Variants in TCF12 observed in about 807,000 individuals in gnomAD.
TCF12 encodes the protein transcription factor 12.
In TCF12, 45 loss-of-function variants were observed where a neutral mutation model predicts 86.0. The ratio of observed to expected loss-of-function variants is 0.52; its 90% CI spans 0.41 to 0.67. The LOEUF (loss-of-function observed/expected upper bound fraction) is 0.67. Among genes scored for constraint, TCF12 ranks in the 30% least tolerant of loss-of-function variants. TCF12 has a pLI of 0.00. For missense variants in TCF12, 881 were observed against 859.9 expected, an observed-to-expected ratio of 1.02 and a Z score of -0.31; for synonymous variants, 330 against 299.6, an observed-to-expected ratio of 1.10 and a Z score of -1.05.
chr15:56,925,400 C>A (rs1251323291), intron 3 of TCF12, among the ~76,000 whole-genome samples: 1 of 152,142 alleles, frequency 6.6e-6, no homozygotes, highest in Non-Finnish European at 1.5e-5. Context: ...AACACAAATT[C>A]AAGTTTCTGT....
intron 12 of TCF12, among the ~76,000 whole-genome samples, chr15:57,237,981 AG>A (rs1251400628): frequency 1.3e-5 from 2 of 152,164 alleles, no homozygotes; most frequent in African/African-American, 4.8e-5. Context: ...TTTTTTAAAA[AG>A]TCCTGTAACT....
chr15:57,183,691 A>G (rs1429637273), intron 6 of TCF12, among the ~76,000 whole-genome samples: 4 of 152,168 alleles, frequency 2.6e-5, no homozygotes, highest in Admixed American at 2.6e-4. Flanking sequence ...GAAAAAAATG[A>G]AACTGAGTTT....
intron 8 of TCF12, among the ~76,000 whole-genome samples, chr15:57,213,780 T>A (rs1439079047): frequency 1.3e-5 from 2 of 152,202 alleles, no homozygotes; most frequent in Non-Finnish European, 2.9e-5. Context: ...ACAAAAATTA[T>A]TTAGCTTTAC....
At chr15:57,168,319 A>G (rs2055053962) in intron 6 of TCF12, among the ~76,000 whole-genome samples, 1 of 152,246 alleles carries the variant, frequency 6.6e-6, no homozygotes, top group Non-Finnish European at 1.5e-5. Context: ...ACCACAGAAT[A>G]TAAGTGCTTA....
At chr15:57,243,026 A>G (rs531529972) in intron 12 of TCF12, among the ~76,000 whole-genome samples, 2 of 152,360 alleles carry the variant, frequency 1.3e-5, no homozygotes, top group Non-Finnish European at 2.9e-5. Flanking sequence ...AGGGGTAACT[A>G]TTAAAAAGAT....
At chr15:56,972,261 A>G (rs1347839840) in intron 3 of TCF12, among the ~76,000 whole-genome samples, 1 of 152,174 alleles carries the variant, frequency 6.6e-6, no homozygotes, top group Non-Finnish European at 1.5e-5. Context: ...CTGCATATGC[A>G]TTTTCTTTTG....
chr15:57,260,392 T>C (rs1416876143), intron 16 of TCF12, among the ~76,000 whole-genome samples: 5 of 152,200 alleles, frequency 3.3e-5, no homozygotes, highest in Non-Finnish European at 7.3e-5. Context: ...TTGTTACTGT[T>C]CAGTAGTATT....
At chr15:56,955,296 C>G (rs2061458340) in intron 3 of TCF12, among the ~76,000 whole-genome samples, 1 of 151,866 alleles carries the variant, frequency 6.6e-6, no homozygotes, top group African/African-American at 2.4e-5. Context: ...CAAACTGTCA[C>G]AAGAACAGAA....
At chr15:57,173,380 T>C (rs1597057803) in intron 6 of TCF12, among the ~76,000 whole-genome samples, 1 of 151,748 alleles carries the variant, frequency 6.6e-6, no homozygotes, top group African/African-American at 2.4e-5. Flanking sequence ...CCAAAATAAA[T>C]AGAAAGAAGG....
chr15:57,106,930 C>T (rs1434520796), intron 5 of TCF12, among the ~76,000 whole-genome samples: 3 of 152,180 alleles, frequency 2.0e-5, no homozygotes, highest in East Asian at 1.9e-4. Context: ...GTGCTGGTAA[C>T]AATACGGAGC....
chr15:56,953,208 A>T (rs1262102493), intron 3 of TCF12, among the ~76,000 whole-genome samples: 6 of 152,020 alleles, frequency 3.9e-5, no homozygotes, highest in African/African-American at 1.4e-4. Context: ...CCATGTGGCT[A>T]TGAGGCATTA....
rs528780353 is a variant in TCF12, at chr15:57,107,860, A to G, written c.325+15969A>G. Among the ~76,000 whole-genome samples, 41 of 152,332 alleles carry G rather than the reference A, an allele frequency of 2.7e-4. No homozygotes were observed. In the South Asian group the frequency reaches 8.5e-3, roughly 32 times the overall value. ...GAATTGAAGACCGCAGTGAGCGATG[A>G]TTATGCCATTGCACTCGTGCCTGGT... On this transcript the variant is annotated intron_variant, in intron 5 of 20. Transcript: ENST00000333725.
intron 5 of TCF12, among the ~76,000 whole-genome samples, chr15:57,121,536 C>T (rs377587155): frequency 1.6e-4 from 25 of 152,258 alleles, no homozygotes; most frequent in African/African-American, 4.8e-4. Context: ...GGTCGAAAGG[C>T]GCACCTTCTT....
chr15:57,231,957 A>G (rs2059157431), intron 9 of TCF12, among the ~76,000 whole-genome samples: 1 of 152,208 alleles, frequency 6.6e-6, no homozygotes, highest in Non-Finnish European at 1.5e-5. Context: ...CTTTCTGTGT[A>G]TGTATAAGTA....
rs181260029 is a variant in TCF12 at position 57,264,240 on chromosome 15, G to A, written c.1745+966G>A. On this transcript the variant is annotated intron_variant, in intron 18 of 20. Coordinates refer to ENST00000333725, the MANE Select transcript of TCF12 (RefSeq NM_207037.2). ...TTTTGAGGTGGAGTCTTACTCTCTC[G>A]CCCAGGCTGGAATGCAGTGGCATCA... is the stretch of plus-strand genomic sequence containing the variant. Among the ~76,000 whole-genome samples, 254 of 70,296 alleles carry A rather than the reference G, an allele frequency of 3.6e-3. 3 individuals are homozygous for A. The highest frequency in any genetic ancestry group is 4.9e-3 in the African/African-American group (74 of 15,228). 46.1% of individuals were successfully genotyped at this position (70,296 alleles called of 152,430 possible). A position where few individuals can be genotyped will look rare whatever the true frequency, so the allele number is the denominator to read the frequency against.
At chr15:57,119,458 CTT>C (rs137914038) in intron 5 of TCF12, among the ~76,000 whole-genome samples, 2 of 139,206 alleles carry the variant, frequency 1.4e-5, no homozygotes, top group East Asian at 4.1e-4. Context: ...CGGTCCACAG[CTT>C]TTTTTTTTTA....
chr15:57,128,678 A>T (rs1320854310), intron 5 of TCF12, among the ~76,000 whole-genome samples: 1 of 152,228 alleles, frequency 6.6e-6, no homozygotes, highest in African/African-American at 2.4e-5. Context: ...CGTACCTATT[A>T]GAAGTCAATT....
At chr15:57,198,898 T>G (rs2057399113) in intron 8 of TCF12, among the ~76,000 whole-genome samples, 1 of 152,170 alleles carries the variant, frequency 6.6e-6, no homozygotes, top group Non-Finnish European at 1.5e-5. Context: ...AAGGCTGAAG[T>G]AGAGATACAA....
At chr15:56,932,505 G>A (rs1392994101) in intron 3 of TCF12, among the ~76,000 whole-genome samples, 1 of 152,024 alleles carries the variant, frequency 6.6e-6, no homozygotes, top group Non-Finnish European at 1.5e-5. Context: ...AAAAAAAGAA[G>A]TCTTAAATGG....
Sources: allele counts gnomAD v4.1 joint callset (sites outside exome capture counted in the v4.1 genomes callset), GRCh38; gene constraint gnomAD v4.1.1; transcripts MANE v1.5; gene names NCBI Gene and HGNC (gene_info 2026-07-23, HGNC 2026-07-21).